Variants in UBE2K observed in about 807,000 individuals in gnomAD.
UBE2K encodes ubiquitin conjugating enzyme E2 K, also known as ubiquitin-conjugating enzyme E2 K.
Under a neutral mutation model 30.0 loss-of-function variants are expected in UBE2K, and 6 were observed. The observed-to-expected ratio is 0.20, with a 90% CI of 0.11 to 0.39. The LOEUF (loss-of-function observed/expected upper bound fraction) is 0.39. Among genes scored for constraint, UBE2K ranks in the 10% least tolerant of loss-of-function variants. The probability of loss-of-function intolerance (pLI) is 1.00; values close to 1 mark genes in which losing one functional copy is unlikely to be tolerated. For missense variants in UBE2K, 61 were observed against 241.6 expected, an observed-to-expected ratio of 0.25 and a Z score of 4.96; for synonymous variants, 86 against 83.7, an observed-to-expected ratio of 1.03 and a Z score of -0.15.
intron 4 of UBE2K, chr4:39,770,878 C>T: frequency 6.5e-7 from 1 of 1,543,890 alleles, no homozygotes; most frequent in Non-Finnish European, 8.7e-7. Flanking sequence ...AAGTCCTCAT[C>T]CAGTGGGAAC....
rs1002787602 is a variant in UBE2K at position 39,771,328 on chromosome 4, A to G, written c.300-3506A>G. 3.6e-5 allele frequency: 58 copies of G among 1,612,402 alleles called. No homozygotes were observed. In the African/African-American group the frequency reaches 4.1e-4, roughly 12 times the overall value. ...TCGAAACTTGAGGCTGTCGGCCACA[A>G]TGGTCACGTCGCAGAACCACTCCTC... On this transcript the variant is annotated intron_variant, in intron 4 of 6. Coordinates refer to ENST00000261427, the MANE Select transcript of UBE2K (RefSeq NM_005339.5).
intron 4 of UBE2K, among the ~76,000 whole-genome samples, chr4:39,757,238 C>T (rs1711550828): frequency 6.6e-6 from 1 of 151,992 alleles, no homozygotes; most frequent in Non-Finnish European, 1.5e-5. Context: ...GTTGGCCAGG[C>T]TGGTCTCAAA....
rs564712672 is a variant in UBE2K at position 39,702,231 on chromosome 4, C to CTTTTTTTTTTTTTTTTTTTT, written c.63+3862_63+3881dup. 3.7e-4 allele frequency among the ~76,000 whole-genome samples: 25 copies of CTTTTTTTTTTTTTTTTTTTT among 67,360 alleles called. 2 individuals carry two copies. Among genetic ancestry groups the CTTTTTTTTTTTTTTTTTTTT allele is most frequent in the Non-Finnish European group, 5.7e-4 (21 of 36,536 alleles). The allele number at this position is 67,360 out of a possible 152,430, so 44.2% of individuals were successfully genotyped here. ...ATTTTCTTTTCTTTTCTTTTCTTTT[C>CTTTTTTTTTTTTTTTTTTTT]TTTTTTTTTTTTTTTTTTTTTTTTT... is the stretch of plus-strand genomic sequence containing the variant. On this transcript the variant is annotated intron_variant, in intron 1 of 6. Transcript: ENST00000261427.
At chr4:39,703,653 C>A (rs922067784) in intron 1 of UBE2K, among the ~76,000 whole-genome samples, 2 of 151,706 alleles carry the variant, frequency 1.3e-5, no homozygotes, top group East Asian at 3.9e-4. Flanking sequence ...TCGAGACCAT[C>A]CTGGCCAACA....
At chr4:39,746,946 T>C (rs1721016464) in intron 3 of UBE2K, among the ~76,000 whole-genome samples, 1 of 152,210 alleles carries the variant, frequency 6.6e-6, no homozygotes, top group Non-Finnish European at 1.5e-5. Context: ...CTGAGTCATA[T>C]AGGTCTTTTA....
intron 1 of UBE2K, among the ~76,000 whole-genome samples, chr4:39,733,184 A>C (rs905544374): frequency 2.0e-5 from 3 of 152,100 alleles, no homozygotes; most frequent in African/African-American, 7.2e-5. Context: ...AATTCTTCAG[A>C]ATTTCACCCA....
In UBE2K at chr4:39,782,504, G is replaced by A; in HGVS notation, c.*4070G>A. 6.6e-6 allele frequency: 1 copy of A among 152,176 alleles called. No individual in the cohort carries two copies. The highest frequency in any genetic ancestry group is 1.5e-5 in the Non-Finnish European group (1 of 68,024). The allele number at this position is 152,176 out of a possible 1,614,324, so 9.4% of individuals were successfully genotyped here. ...GGAACCTTGCTTGTTAGCTTCTCTA[G>A]ATCTCTATTCTAAACAATCTGTTAG... is the stretch of plus-strand genomic sequence containing the variant. On this transcript the variant is annotated 3_prime_UTR_variant, in exon 7 of 7. Transcript: ENST00000261427.
intron 4 of UBE2K, among the ~76,000 whole-genome samples, chr4:39,756,657 C>T (rs13150753): frequency 0.19 from 28,192 of 152,042 alleles, 4,634 homozygotes; most frequent in African/African-American, 0.45. Context: ...TCCTGTTGCC[C>T]AGGCTGGAAG....
rs1712766603 is a variant in UBE2K, at chr4:39,770,946, C to T, written c.300-3888C>T. The T allele has an allele frequency of 9.7e-6, 14 of 1,443,252 alleles. No homozygotes were observed. The Admixed American group carries it at 2.1e-4, about 22-fold the overall frequency. The allele number at this position is 1,443,252 out of a possible 1,614,324, so 89.4% of individuals were successfully genotyped here. A position where few individuals can be genotyped will look rare whatever the true frequency, so the allele number is the denominator to read the frequency against. On this transcript the variant is annotated intron_variant, in intron 4 of 6. Coordinates refer to ENST00000261427, the MANE Select transcript of UBE2K (RefSeq NM_005339.5). Reference sequence around the variant, plus strand: ...TAGAGGAGGTGGGGGGTGGGGGCTTCGGGGCTGGCTTTGGGGTCCTGGCTG... The same window carrying T: ...TAGAGGAGGTGGGGGGTGGGGGCTTTGGGGCTGGCTTTGGGGTCCTGGCTG...
At chr4:39,716,368 C>T (rs1351232100) in intron 1 of UBE2K, among the ~76,000 whole-genome samples, 3 of 152,182 alleles carry the variant, frequency 2.0e-5, no homozygotes, top group Non-Finnish European at 4.4e-5. Context: ...CCACCACAGC[C>T]TCCCAAGTAG....
At chr4:39,736,238 G>GT (rs1291632502) in intron 1 of UBE2K, among the ~76,000 whole-genome samples, 1 of 152,154 alleles carries the variant, frequency 6.6e-6, no homozygotes, top group Non-Finnish European at 1.5e-5. Flanking sequence ...CAAGGCGGGC[G>GT]TATCGCGAGG....
chr4:39,777,588 AT>A, intron 5 of UBE2K, 93 bp from the exon 6 acceptor site: 1 of 1,198,022 alleles, frequency 8.3e-7, no homozygotes, highest in Non-Finnish European at 1.1e-6. Context: ...GATTTGTTTT[AT>A]TTGGAAAAGT....
Position 39,733,051 on chromosome 4 carries a change from G to GAA in UBE2K, c.64-4347_64-4346dup, listed in dbSNP as rs59978380. On this transcript the variant is annotated intron_variant, in intron 1 of 6. Coordinates refer to ENST00000261427, the MANE Select transcript of UBE2K (RefSeq NM_005339.5). ...CCTTGAAGCCCCCAGGGAACATCAGGAAAAAAAAAAAAAAAAAAAAAAACA... is the reference window on the plus strand; with the variant it reads ...CCTTGAAGCCCCCAGGGAACATCAGGAAAAAAAAAAAAAAAAAAAAAAAAACA... 2.9e-3 allele frequency among the ~76,000 whole-genome samples: 283 copies of GAA among 96,756 alleles called. 1 individual carries two copies. The highest frequency in any genetic ancestry group is 9.4e-3 in the Middle Eastern group (2 of 212). The allele number at this position is 96,756 out of a possible 152,430, so 63.5% of individuals were successfully genotyped here.
intron 1 of UBE2K, among the ~76,000 whole-genome samples, chr4:39,728,496 A>T (rs1719877994): frequency 6.6e-6 from 1 of 152,208 alleles, no homozygotes. Flanking sequence ...TCGTTCAGCA[A>T]CATTACCCAC....
chr4:39,756,972 A>G (rs1277189565), intron 4 of UBE2K, among the ~76,000 whole-genome samples: 1 of 150,248 alleles, frequency 6.7e-6, no homozygotes. Context: ...TTTTGGTACT[A>G]GAATTTTTAA....
chr4:39,762,621 G>A (rs747630828), intron 4 of UBE2K, among the ~76,000 whole-genome samples: 1 of 152,176 alleles, frequency 6.6e-6, no homozygotes, highest in Non-Finnish European at 1.5e-5. Context: ...CAGAGAGCAG[G>A]GAAGTTGCCA....
chr4:39,700,872 A>G (rs768249186), intron 1 of UBE2K, among the ~76,000 whole-genome samples: 2 of 151,560 alleles, frequency 1.3e-5, no homozygotes, highest in Non-Finnish European at 2.9e-5. Context: ...GTGTTAAAAT[A>G]CAGCCAACAA....
At chr4:39,721,183 C>T (rs557437526) in intron 1 of UBE2K, among the ~76,000 whole-genome samples, 1 of 152,094 alleles carries the variant, frequency 6.6e-6, no homozygotes, top group South Asian at 2.1e-4. Flanking sequence ...CAGTACTCCT[C>T]AATTAAAATG....
At chr4:39,713,301 T>TTTTTTTTTTTTTTG in intron 1 of UBE2K, among the ~76,000 whole-genome samples, 1 of 145,594 alleles carries the variant, frequency 6.9e-6, no homozygotes, top group Non-Finnish European at 1.5e-5. Flanking sequence ...TTTTTTTTTT[T>TTTTTTTTTTTTTTG]TGAGACAGTT....
Sources: gnomAD v4.1 joint callset for allele counts (sites outside exome capture counted in the v4.1 genomes callset) on GRCh38, gnomAD v4.1.1 for gene constraint, MANE v1.5 for transcripts, NCBI Gene and HGNC (gene_info 2026-07-23, HGNC 2026-07-21) for gene names.